NEDD4L: variants seen among roughly 807,000 people sequenced by gnomAD.
NEDD4L encodes E3 ubiquitin-protein ligase NEDD4-like.
In NEDD4L, 54 loss-of-function variants were observed where a neutral mutation model predicts 148.9. That is an observed-to-expected ratio of 0.36 (90% confidence interval 0.29 to 0.45). The LOEUF is 0.45. Ranked by LOEUF, NEDD4L falls within the 20% of genes least tolerant of loss-of-function variation. The pLI is 1.00. For missense variants in NEDD4L, 856 were observed against 1,233.8 expected (o/e 0.69, Z 4.59); for synonymous variants, 433 against 440.7 (o/e 0.98, Z 0.22).
At chr18:58,341,630 A>C (rs752038103) in intron 14 of NEDD4L, 48 bp from the exon 15 acceptor site, 1 of 1,583,232 alleles carries the variant, frequency 6.3e-7, no homozygotes, top group Admixed American at 1.8e-5. Flanking sequence ...AATCACACAC[A>C]CCGGGAGATC....
At chr18:58,053,105 A>C (rs2081948808) in intron 1 of NEDD4L, among the ~76,000 whole-genome samples, 1 of 152,124 alleles carries the variant, frequency 6.6e-6, no homozygotes, top group Non-Finnish European at 1.5e-5. Flanking sequence ...ATCACCTGTC[A>C]CTTTGTTTGT....
intron 6 of NEDD4L, among the ~76,000 whole-genome samples, chr18:58,322,195 T>C (rs2058848594): frequency 6.6e-6 from 1 of 152,208 alleles, no homozygotes; most frequent in Non-Finnish European, 1.5e-5. Context: ...GCTGTAATTT[T>C]GTCATTTGTC....
chr18:58,234,542 C>G (rs890934788), intron 2 of NEDD4L, among the ~76,000 whole-genome samples: 1 of 151,928 alleles, frequency 6.6e-6, no homozygotes, highest in Non-Finnish European at 1.5e-5. Flanking sequence ...ACTATGTTGC[C>G]CAGGCTGGCT....
At chr18:58,247,366 G>T (rs1260049284) in intron 3 of NEDD4L, 1 of 152,136 alleles carries the variant, frequency 6.6e-6, no homozygotes, top group South Asian at 2.1e-4. Context: ...TGCGAGGGAC[G>T]GAGGCCATTG....
In NEDD4L at chr18:58,044,526, G is replaced by T; in HGVS notation, c.-135G>T. The T allele has an allele frequency of 8.2e-7, 1 of 1,219,254 alleles. No homozygotes were observed. Among genetic ancestry groups the T allele is most frequent in the Non-Finnish European group, 1.0e-6 (1 of 962,578 alleles). The allele number at this position is 1,219,254 out of a possible 1,614,324, so 75.5% of individuals were successfully genotyped here. ...GGGCACCCTCACCTGCCGGCGCCCG[G>T]CCGCTTACCCGGCAGGGCGTGCGCA... On this transcript the variant is annotated 5_prime_UTR_variant, in exon 1 of 31. Coordinates refer to ENST00000400345, the MANE Select transcript of NEDD4L (RefSeq NM_001144967.3).
At position 58,352,729 on chromosome 18, in the gene NEDD4L, T is replaced by A. The variant is rs146755728; in HGVS notation, c.1708+1684T>A. Among the ~76,000 whole-genome samples the A allele has an allele frequency of 2.6e-3, 390 of 152,354 alleles. 3 individuals carry two copies. Among genetic ancestry groups the A allele is most frequent in the African/African-American group, 8.7e-3 (362 of 41,586 alleles). On this transcript the variant is annotated intron_variant, in intron 18 of 30. Transcript: ENST00000400345. ...ATCACAGTTTTAAGACAGGTGTGAA[T>A]AATACTGATCATTTTACTAAAACAG... is the stretch of plus-strand genomic sequence containing the variant.
intron 13 of NEDD4L, among the ~76,000 whole-genome samples, chr18:58,339,392 C>T (rs1285713381): frequency 6.6e-6 from 1 of 152,046 alleles, no homozygotes; most frequent in Non-Finnish European, 1.5e-5. Flanking sequence ...GTGTTGGCAT[C>T]GCTGCTAGAG....
intron 5 of NEDD4L, among the ~76,000 whole-genome samples, chr18:58,270,642 T>TATAG (rs1462385790): frequency 1.3e-5 from 2 of 152,230 alleles, no homozygotes; most frequent in African/African-American, 4.8e-5. Flanking sequence ...TAGTAAGGTA[T>TATAG]ATAGCCTGCT....
At chr18:58,281,600 G>A (rs189150752) in intron 5 of NEDD4L, among the ~76,000 whole-genome samples, 5 of 151,864 alleles carry the variant, frequency 3.3e-5, no homozygotes, top group Admixed American at 2.6e-4. Context: ...CAAGAGCACG[G>A]TATTACAAAT....
At chr18:58,182,915 T>G (rs745971296) in intron 2 of NEDD4L, among the ~76,000 whole-genome samples, 1 of 152,220 alleles carries the variant, frequency 6.6e-6, no homozygotes, top group Non-Finnish European at 1.5e-5. Context: ...GAAGGTACCT[T>G]GAAAGATACT....
At chr18:58,203,142 T>A (rs2041601760) in intron 2 of NEDD4L, among the ~76,000 whole-genome samples, 1 of 152,144 alleles carries the variant, frequency 6.6e-6, no homozygotes, top group Non-Finnish European at 1.5e-5. Flanking sequence ...AATTTTTTTA[T>A]TTTTTGTAGA....
intron 1 of NEDD4L, among the ~76,000 whole-genome samples, chr18:58,089,583 C>T (rs1430732976): frequency 6.6e-6 from 1 of 152,108 alleles, no homozygotes; most frequent in African/African-American, 2.4e-5. Context: ...ACACTTGAAC[C>T]TTTGGATTCA....
chr18:58,226,850 G>T (rs529167375), intron 2 of NEDD4L, among the ~76,000 whole-genome samples: 4 of 152,084 alleles, frequency 2.6e-5, no homozygotes, highest in African/African-American at 9.6e-5. Context: ...ACTCCAGAGC[G>T]CATGCCCTCT....
intron 2 of NEDD4L, among the ~76,000 whole-genome samples, chr18:58,213,568 A>G (rs1235470198): frequency 6.6e-6 from 1 of 152,214 alleles, no homozygotes; most frequent in Non-Finnish European, 1.5e-5. Context: ...TATGTTAAGC[A>G]GGGAGTGGGG....
chr18:58,236,322 A>G (rs1210460405), intron 2 of NEDD4L, among the ~76,000 whole-genome samples: 1 of 151,860 alleles, frequency 6.6e-6, no homozygotes, highest in Admixed American at 6.6e-5. Context: ...TTGCCACTGC[A>G]CTCCAGCCTG....
chr18:58,375,808 A>G (rs931611208), intron 24 of NEDD4L, among the ~76,000 whole-genome samples: 4 of 152,154 alleles, frequency 2.6e-5, no homozygotes, highest in Non-Finnish European at 5.9e-5. Context: ...AAAAATATGA[A>G]TAAGGTGGTA....
intron 2 of NEDD4L, among the ~76,000 whole-genome samples, chr18:58,173,374 G>T (rs1283554700): frequency 6.6e-6 from 1 of 152,222 alleles, no homozygotes; most frequent in Non-Finnish European, 1.5e-5. Context: ...TTCATTCACA[G>T]TTGCTCCTTT....
intron 2 of NEDD4L, among the ~76,000 whole-genome samples, chr18:58,235,788 T>C (rs558273164): frequency 9.1e-4 from 138 of 152,254 alleles, no homozygotes; most frequent in African/African-American, 3.2e-3. Context: ...GTGGGTGTTT[T>C]CTTTTAAGGC....
chr18:58,338,067 T>A (rs2041991695), intron 13 of NEDD4L, among the ~76,000 whole-genome samples: 1 of 152,254 alleles, frequency 6.6e-6, no homozygotes. Flanking sequence ...TGGTTATTTT[T>A]AAAAGCATAT....
Sources: allele counts gnomAD v4.1 joint callset (sites outside exome capture counted in the v4.1 genomes callset), GRCh38; gene constraint gnomAD v4.1.1; transcripts MANE v1.5; gene names NCBI Gene and HGNC (gene_info 2026-07-23, HGNC 2026-07-21).